GRIN3A: variants seen among roughly 807,000 people sequenced by gnomAD.
GRIN3A encodes glutamate ionotropic receptor NMDA type subunit 3A.
GRIN3A carries 47 observed loss-of-function variants against 92.4 expected under a neutral mutation model. The ratio of observed to expected loss-of-function variants is 0.51; its 90% CI spans 0.40 to 0.65. The LOEUF (loss-of-function observed/expected upper bound fraction) is 0.65. Ranked by LOEUF, GRIN3A falls within the 30% of genes least tolerant of loss-of-function variation. The probability of loss-of-function intolerance (pLI) is 0.00; values close to 1 mark genes in which losing one functional copy is unlikely to be tolerated. For missense variants in GRIN3A, 1,324 were observed against 1,393.1 expected, an observed-to-expected ratio of 0.95 and a Z score of 0.79; for synonymous variants, 527 against 540.6, an observed-to-expected ratio of 0.97 and a Z score of 0.35.
intron 3 of GRIN3A, among the ~76,000 whole-genome samples, chr9:101,636,326 T>A (rs1168797754): frequency 6.6e-6 from 1 of 152,254 alleles, no homozygotes; most frequent in Non-Finnish European, 1.5e-5. Flanking sequence ...ATTTTAATAA[T>A]GATAATAGCT....
rs1268847543 is a variant in GRIN3A, at chr9:101,613,996, T to G, written c.2615-469A>C. ...AAATTTATTTTTAATTTTTGAATAA[T>G]ATAATAAAACCATGTGAATAAACAA... is the stretch of plus-strand genomic sequence containing the variant. On this transcript the variant is annotated intron_variant, in intron 5 of 8. Transcript: ENST00000361820. 2.0e-5 allele frequency among the ~76,000 whole-genome samples: 3 copies of G among 152,142 alleles called. No individual in the cohort carries two copies. In the East Asian group the frequency reaches 5.8e-4, roughly 29 times the overall value.
At chr9:101,711,284 ACAGGCGGGTAGTG>A (rs1476734098) in intron 1 of GRIN3A, among the ~76,000 whole-genome samples, 1 of 152,198 alleles carries the variant, frequency 6.6e-6, no homozygotes, top group Non-Finnish European at 1.5e-5. Context: ...CTGATAACCA[ACAGGCGGGTAGTG>A]CATACAGCCC....
chr9:101,658,273 A>G (rs1396657149), intron 3 of GRIN3A, among the ~76,000 whole-genome samples: 7 of 152,018 alleles, frequency 4.6e-5, no homozygotes, highest in Non-Finnish European at 2.9e-5. Context: ...TCCCTAGACT[A>G]TAGCAGGTAT....
intron 1 of GRIN3A, among the ~76,000 whole-genome samples, chr9:101,729,273 G>A (rs1830112429): frequency 6.6e-6 from 1 of 152,146 alleles, no homozygotes; most frequent in African/African-American, 2.4e-5. Context: ...CAAGAACTTA[G>A]TGATTTAAAA....
chr9:101,615,336 T>C (rs1465127837), intron 5 of GRIN3A, among the ~76,000 whole-genome samples: 1 of 150,758 alleles, frequency 6.6e-6, no homozygotes, highest in Admixed American at 6.6e-5. Context: ...AAATACCTCC[T>C]ATAATTATTC....
At chr9:101,609,819 T>C (rs540867348) in intron 6 of GRIN3A, among the ~76,000 whole-genome samples, 52 of 152,332 alleles carry the variant, frequency 3.4e-4, no homozygotes, top group African/African-American at 1.2e-3. Flanking sequence ...GGGACAGGAT[T>C]GGGAGGCTCC....
Position 101,687,521 on chromosome 9 carries a change from A to G in GRIN3A, c.700-321T>C, listed in dbSNP as rs997538897. On this transcript the variant is annotated intron_variant, in intron 1 of 8. Transcript: ENST00000361820. ...TACTGCCATATAGGCAGTCTCATTT[A>G]TGGCTTCCCATTTCTTGGTATTGCT... Among the ~76,000 whole-genome samples, 5 of 152,298 alleles carry G rather than the reference A, an allele frequency of 3.3e-5. No homozygotes were observed. The East Asian group carries it at 5.8e-4, about 18-fold the overall frequency.
rs773322226 is a variant in GRIN3A, at chr9:101,670,934, T to C, written c.1478A>G (p.Tyr493Cys). 6.8e-6 allele frequency: 11 copies of C among 1,613,844 alleles called. No individual in the cohort carries two copies. The highest frequency in any genetic ancestry group is 2.2e-5 in the East Asian group (1 of 44,878). Residue 493 changes from tyrosine to cysteine, a missense_variant, in exon 3 of 9, where the codon TAT becomes TGT. By Grantham distance (194) the Tyr-to-Cys change is radical. Coordinates refer to ENST00000361820, the MANE Select transcript of GRIN3A (RefSeq NM_133445.3). ...SWQGGKIVMD[Y>C]GIWPEQAQRH... The stretch of plus-strand genomic sequence containing the variant: ...CTGGGCCTGCTCTGGCCATATTCCA[T>C]AGTCCATGACAATCTTTCCCCCCTG...
At chr9:101,642,556 T>C (rs1828880494) in intron 3 of GRIN3A, among the ~76,000 whole-genome samples, 1 of 152,084 alleles carries the variant, frequency 6.6e-6, no homozygotes, top group Admixed American at 6.5e-5. Context: ...TGAAATGAGA[T>C]AAAGTATTTG....
At chr9:101,682,570 C>A (rs927344227) in intron 2 of GRIN3A, among the ~76,000 whole-genome samples, 1 of 152,164 alleles carries the variant, frequency 6.6e-6, no homozygotes, top group Non-Finnish European at 1.5e-5. Flanking sequence ...TTTTGTCTAC[C>A]CGACCATAGT....
intron 1 of GRIN3A, among the ~76,000 whole-genome samples, chr9:101,719,278 G>C (rs1446364642): frequency 2.0e-5 from 3 of 152,130 alleles, no homozygotes; most frequent in Non-Finnish European, 2.9e-5. Flanking sequence ...AATTCGCCGG[G>C]TGTGGTGGCA....
intron 6 of GRIN3A, among the ~76,000 whole-genome samples, chr9:101,600,172 A>C (rs1828193075): frequency 6.6e-6 from 1 of 152,196 alleles, no homozygotes; most frequent in African/African-American, 2.4e-5. Context: ...ATTAAATGAG[A>C]TAGATTATAA....
At position 101,732,684 on chromosome 9, in the gene GRIN3A, C is replaced by T. The variant is rs535623041; in HGVS notation, c.699+4597G>A. Among the ~76,000 whole-genome samples the T allele has an allele frequency of 2.0e-3, 306 of 152,158 alleles. 1 individual carries two copies. Among genetic ancestry groups the T allele is most frequent in the Middle Eastern group, 3.4e-3 (1 of 294 alleles). On this transcript the variant is annotated intron_variant, in intron 1 of 8. Transcript: ENST00000361820. ...CATATCTCATTTTGATTAGTAATTT[C>T]GAAAAGAAAATTAGTTGAACTTTAA...
At chr9:101,734,189 G>T (rs888819982) in intron 1 of GRIN3A, among the ~76,000 whole-genome samples, 12 of 152,180 alleles carry the variant, frequency 7.9e-5, no homozygotes, top group Non-Finnish European at 1.6e-4. Flanking sequence ...ACCTGTAGAA[G>T]AAAAAGTCAT....
intron 2 of GRIN3A, among the ~76,000 whole-genome samples, chr9:101,686,182 A>G (rs1829530674): frequency 6.6e-6 from 1 of 152,170 alleles, no homozygotes; most frequent in Admixed American, 6.5e-5. Context: ...AGAAACATTT[A>G]TTTTGCATCT....
At chr9:101,710,180 G>A (rs1268090234) in intron 1 of GRIN3A, among the ~76,000 whole-genome samples, 2 of 152,226 alleles carry the variant, frequency 1.3e-5, no homozygotes, top group African/African-American at 2.4e-5. Context: ...ATCACTGGGA[G>A]TCTAGGCAGG....
intron 1 of GRIN3A, among the ~76,000 whole-genome samples, chr9:101,689,296 C>A (rs977471416): frequency 1.6e-4 from 25 of 152,132 alleles, no homozygotes; most frequent in Admixed American, 3.9e-4. Flanking sequence ...TTCTCCTGCA[C>A]CATAACCTCC....
At chr9:101,728,801 A>T (rs947137365) in intron 1 of GRIN3A, among the ~76,000 whole-genome samples, 1 of 152,218 alleles carries the variant, frequency 6.6e-6, no homozygotes, top group Non-Finnish European at 1.5e-5. Context: ...GCATCTAGAA[A>T]GTCCCATGAA....
At chr9:101,715,723 G>A (rs547242194) in intron 1 of GRIN3A, among the ~76,000 whole-genome samples, 177 of 152,198 alleles carry the variant, frequency 1.2e-3, no homozygotes, top group Admixed American at 2.9e-3. Flanking sequence ...GACAATTTCA[G>A]GAGTTCATTC....
Sources: allele counts gnomAD v4.1 joint callset (sites outside exome capture counted in the v4.1 genomes callset), GRCh38; gene constraint gnomAD v4.1.1; transcripts MANE v1.5; gene names NCBI Gene and HGNC (gene_info 2026-07-23, HGNC 2026-07-21).